Variants in CLYBL observed in about 807,000 individuals in gnomAD.
CLYBL encodes citramalyl-CoA lyase, mitochondrial.
In CLYBL, 31 loss-of-function variants were observed where a neutral mutation model predicts 38.9. The ratio of observed to expected loss-of-function variants is 0.80; its 90% confidence interval spans 0.60 to 1.08. The LOEUF (loss-of-function observed/expected upper bound fraction) is 1.08. Among genes scored for constraint, CLYBL ranks in the 50% least tolerant of loss-of-function variants. The pLI is 0.00. For missense variants in CLYBL, 434 were observed against 411.6 expected (o/e 1.05, Z -0.47); for synonymous variants, 171 against 158.6 (o/e 1.08, Z -0.59).
intron 1 of CLYBL, among the ~76,000 whole-genome samples, chr13:99,743,598 A>G (rs1423604500): frequency 1.3e-5 from 2 of 152,114 alleles, no homozygotes; most frequent in African/African-American, 2.4e-5. Flanking sequence ...TAAAATGCAC[A>G]CTCTGTGGCT....
chr13:99,748,429 GTTTTTTTT>G (rs1165919560), intron 1 of CLYBL, among the ~76,000 whole-genome samples: 82 of 87,674 alleles, frequency 9.4e-4, no homozygotes, highest in African/African-American at 4.3e-3. Context: ...CTAGTTTTGT[GTTTTTTTT>G]TTTTTTTTTT....
rs3742255 is a variant in CLYBL at position 99,772,977 on chromosome 13, C to T, written c.216C>T (p.Leu72=). 7.7e-4 allele frequency: 1,242 copies of T among 1,611,356 alleles called. No individual in the cohort carries two copies. The highest frequency in any genetic ancestry group is 1.0e-3 in the Non-Finnish European group (1,184 of 1,179,474). Residue 72 remains leucine (L), a synonymous_variant, in exon 2 of 9, where the codon CTC becomes CTT. Transcript: ENST00000339105. ...IPSLNVDCAV[L]DCEDGVAANK... Reference sequence around the variant, plus strand: ...CCCTGAATGTAGATTGTGCAGTGCTCGACTGTGAGGATGGAGTGGCTGCAA... The same window carrying T: ...CCCTGAATGTAGATTGTGCAGTGCTTGACTGTGAGGATGGAGTGGCTGCAA...
intron 2 of CLYBL, among the ~76,000 whole-genome samples, chr13:99,793,335 T>C (rs1329847174): frequency 1.3e-5 from 2 of 152,154 alleles, no homozygotes; most frequent in African/African-American, 4.8e-5. Flanking sequence ...GGTGCCTTGC[T>C]TTTATTAAAA....
intron 1 of CLYBL, among the ~76,000 whole-genome samples, chr13:99,761,298 AGCCAAGATCGT>A (rs1487843344): frequency 6.6e-6 from 1 of 152,220 alleles, no homozygotes; most frequent in East Asian, 1.9e-4. Context: ...GCTTGCAGTG[AGCCAAGATCGT>A]GCCACTCCAC....
At chr13:99,808,303 C>T (rs7334733) in intron 2 of CLYBL, among the ~76,000 whole-genome samples, 3,386 of 152,120 alleles carry the variant, frequency 0.022, 126 homozygotes, top group African/African-American at 0.077. Flanking sequence ...CCAGACTGGT[C>T]TCAAACTCCT....
chr13:99,792,924 T>G (rs2138898364), intron 2 of CLYBL, among the ~76,000 whole-genome samples: 1 of 152,236 alleles, frequency 6.6e-6, no homozygotes, highest in South Asian at 2.1e-4. Context: ...CTCTTTATTA[T>G]TATTACTTTA....
intron 1 of CLYBL, among the ~76,000 whole-genome samples, chr13:99,767,412 G>A (rs143551985): frequency 9.2e-5 from 14 of 152,326 alleles, no homozygotes; most frequent in Admixed American, 2.6e-4. Flanking sequence ...TTTGATTTTA[G>A]TGTGTCTAGA....
Position 99,626,870 on chromosome 13 carries a change from C to T in CLYBL, c.62+20113C>T, listed in dbSNP as rs190725461. Among the ~76,000 whole-genome samples, 128 of 151,654 alleles carry T rather than the reference C, an allele frequency of 8.4e-4. 1 individual carries two copies. Among genetic ancestry groups the T allele is most frequent in the Admixed American group, 8.2e-3 (124 of 15,180 alleles). ...GGATGTAATTTAAGACATGACATTC[C>T]AGAGCTTCAGTTACAAAGAATTTAT... On this transcript the variant is annotated intron_variant, in intron 1 of 8. Transcript: ENST00000339105.
At chr13:99,896,470 C>G (rs1220000570), downstream of CLYBL, 1 of 152,278 alleles carries the variant, frequency 6.6e-6, no homozygotes, top group Non-Finnish European at 1.5e-5. Flanking sequence ...CCCTGGGGTC[C>G]CTGCAGCCCC....
At chr13:99,648,728 T>C (rs775027538) in intron 1 of CLYBL, among the ~76,000 whole-genome samples, 1 of 152,212 alleles carries the variant, frequency 6.6e-6, no homozygotes, top group Admixed American at 6.5e-5. Context: ...AATAAGAAAA[T>C]GTACTTTTCT....
At chr13:99,901,279 C>T (rs1381899083), downstream of CLYBL, among the ~76,000 whole-genome samples, 2 of 152,164 alleles carry the variant, frequency 1.3e-5, no homozygotes, top group African/African-American at 2.4e-5. Context: ...GTAATTTTAC[C>T]TTCTCTTCCT....
chr13:99,870,954 C>T lies in CLYBL; in HGVS notation c.819C>T (p.His273=), dbSNP rs748419166. 1 of 1,611,932 alleles carries T rather than the reference C, an allele frequency of 6.2e-7. No homozygotes were observed. Among genetic ancestry groups the T allele is most frequent in the Non-Finnish European group, 8.5e-7 (1 of 1,179,154 alleles). Residue 273 remains histidine (H), a synonymous_variant, in exon 7 of 9, where the codon CAC becomes CAT. Transcript: ENST00000339105. ...TTCTTGTAGGTAAGCAGGTGATTCACCCTAACCAAATTGCCGTGGTCCAGG... is the reference window on the plus strand; with the variant it reads ...TTCTTGTAGGTAAGCAGGTGATTCATCCTAACCAAATTGCCGTGGTCCAGG... ...AMGFTGKQVI[H]PNQIAVVQEQ...
intron 1 of CLYBL, among the ~76,000 whole-genome samples, chr13:99,768,494 CTTTTTTTTTTTT>C (rs779750350): frequency 1.8e-4 from 15 of 84,886 alleles, no homozygotes; most frequent in Admixed American, 7.9e-4. Context: ...CGCCCGACCT[CTTTTTTTTTTTT>C]TTTTTTTTTT....
chr13:99,621,619 T>C (rs183387916), intron 1 of CLYBL, among the ~76,000 whole-genome samples: 4 of 152,322 alleles, frequency 2.6e-5, no homozygotes, highest in African/African-American at 9.6e-5. Flanking sequence ...ATTGCTGTTG[T>C]AACAGATTAT....
chr13:99,783,655 G>A (rs988468178), intron 2 of CLYBL, among the ~76,000 whole-genome samples: 1 of 151,854 alleles, frequency 6.6e-6, no homozygotes, highest in Non-Finnish European at 1.5e-5. Flanking sequence ...CCTTGTTAAC[G>A]AGGATGGTCT....
chr13:99,880,931 C>T (rs1306993435), intron 7 of CLYBL, among the ~76,000 whole-genome samples: 1 of 152,240 alleles, frequency 6.6e-6, no homozygotes, highest in Non-Finnish European at 1.5e-5. Context: ...TCCTCCCAAC[C>T]TCCTGCACGA....
intron 1 of CLYBL, among the ~76,000 whole-genome samples, chr13:99,705,530 A>G (rs2048133908): frequency 6.6e-6 from 1 of 152,264 alleles, no homozygotes; most frequent in South Asian, 2.1e-4. Context: ...CAGTGAGCCA[A>G]GATTGTGCCT....
At chr13:99,755,934 A>G (rs973030007) in intron 1 of CLYBL, among the ~76,000 whole-genome samples, 3 of 152,094 alleles carry the variant, frequency 2.0e-5, no homozygotes, top group Non-Finnish European at 4.4e-5. Context: ...TTCACTTCAA[A>G]TCCCCCATTC....
intron 1 of CLYBL, among the ~76,000 whole-genome samples, chr13:99,665,562 A>G (rs531248921): frequency 3.9e-5 from 6 of 152,028 alleles, no homozygotes; most frequent in Non-Finnish European, 7.4e-5. Context: ...ACCCTAAGAA[A>G]AGTCTCCACA....
Sources: gnomAD v4.1 joint callset for allele counts (sites outside exome capture counted in the v4.1 genomes callset) on GRCh38, gnomAD v4.1.1 for gene constraint, MANE v1.5 for transcripts, NCBI Gene and HGNC (gene_info 2026-07-23, HGNC 2026-07-21) for gene names.